The following SLC39A11 variants were observed in gnomAD, a reference collection of about 807,000 sequenced individuals.
SLC39A11 encodes zinc transporter ZIP11.
In SLC39A11, 33 loss-of-function variants were observed where a neutral mutation model predicts 36.1. The ratio of observed to expected loss-of-function variants is 0.91; its 90% CI spans 0.69 to 1.22. The LOEUF is 1.22. Ranked by LOEUF, SLC39A11 falls within the 50% of genes most tolerant of loss-of-function variation. SLC39A11 has a pLI of 0.00. For missense variants in SLC39A11, 432 were observed against 430.3 expected, an observed-to-expected ratio of 1.00 and a Z score of -0.03; for synonymous variants, 166 against 170.3, an observed-to-expected ratio of 0.97 and a Z score of 0.20.
intron 7 of SLC39A11, among the ~76,000 whole-genome samples, chr17:72,698,536 A>ATTCT (rs1383085412): frequency 6.6e-6 from 1 of 150,976 alleles, no homozygotes; most frequent in Non-Finnish European, 1.5e-5. Flanking sequence ...GGGTTTTATG[A>ATTCT]TTCTAGTATT....
chr17:72,748,913 G>A (rs1226372903), intron 6 of SLC39A11, among the ~76,000 whole-genome samples: 4 of 152,216 alleles, frequency 2.6e-5, no homozygotes, highest in Non-Finnish European at 5.9e-5. Context: ...GACAGACCAA[G>A]TACGGGAGAG....
intron 6 of SLC39A11, among the ~76,000 whole-genome samples, chr17:72,808,985 A>T (rs554626587): frequency 6.6e-6 from 1 of 152,296 alleles, no homozygotes; most frequent in East Asian, 1.9e-4. Context: ...TCCTTATGTT[A>T]ATTAAACTCT....
chr17:73,088,139 C>T (rs980154593), intron 2 of SLC39A11, among the ~76,000 whole-genome samples: 1 of 151,806 alleles, frequency 6.6e-6, no homozygotes, highest in South Asian at 2.1e-4. Context: ...ACTAAAAATA[C>T]AAAAATTAGC....
intron 4 of SLC39A11, among the ~76,000 whole-genome samples, chr17:72,972,329 T>C (rs1296029157): frequency 6.6e-6 from 1 of 152,168 alleles, no homozygotes; most frequent in African/African-American, 2.4e-5. Context: ...GTAAGGGCAT[T>C]GCAATACACA....
chr17:72,682,154 T>G (rs534583916), intron 7 of SLC39A11, among the ~76,000 whole-genome samples: 29 of 152,304 alleles, frequency 1.9e-4, no homozygotes, highest in African/African-American at 7.0e-4. Flanking sequence ...CACCCCTAGA[T>G]GGGACGGTCT....
At chr17:72,890,116 T>C (rs2081646099) in intron 5 of SLC39A11, among the ~76,000 whole-genome samples, 1 of 151,276 alleles carries the variant, frequency 6.6e-6, no homozygotes, top group African/African-American at 2.4e-5. Flanking sequence ...AAAAAAAAAA[T>C]TAGCTGGGCA....
At chr17:72,732,668 T>C (rs955544174) in intron 7 of SLC39A11, among the ~76,000 whole-genome samples, 5 of 152,204 alleles carry the variant, frequency 3.3e-5, no homozygotes, top group Non-Finnish European at 5.9e-5. Flanking sequence ...TATTTTCTAT[T>C]TGAGTGTAAG....
At chr17:72,995,072 G>T (rs1208239910) in intron 4 of SLC39A11, among the ~76,000 whole-genome samples, 1 of 152,134 alleles carries the variant, frequency 6.6e-6, no homozygotes, top group Non-Finnish European at 1.5e-5. Context: ...ATATGATACA[G>T]CCCTGCCTTC....
At chr17:72,736,361 T>C (rs1461741642) in intron 7 of SLC39A11, among the ~76,000 whole-genome samples, 1 of 152,166 alleles carries the variant, frequency 6.6e-6, no homozygotes, top group Non-Finnish European at 1.5e-5. Flanking sequence ...TTTTTTGTCA[T>C]TAGTCTTCAC....
Position 73,086,312 on chromosome 17 carries a change from C to A in SLC39A11, c.109-1466G>T, listed in dbSNP as rs1388642662. 2.0e-5 allele frequency among the ~76,000 whole-genome samples: 3 copies of A among 151,908 alleles called. No homozygotes were observed. The East Asian group carries it at 5.8e-4, about 29-fold the overall frequency. Reference sequence around the variant, plus strand: ...CCAGCCTAATAAAATGTGCATTTTTCCATAAGCATCTTCTATTTCAATACA... The same window carrying A: ...CCAGCCTAATAAAATGTGCATTTTTACATAAGCATCTTCTATTTCAATACA... On this transcript the variant is annotated intron_variant, in intron 2 of 9. Coordinates refer to ENST00000255559, the MANE Select transcript of SLC39A11 (RefSeq NM_139177.4).
At chr17:72,867,240 C>T (rs541872176) in intron 5 of SLC39A11, among the ~76,000 whole-genome samples, 1 of 152,164 alleles carries the variant, frequency 6.6e-6, no homozygotes, top group Non-Finnish European at 1.5e-5. Context: ...TGGCTCACAC[C>T]TGTAATCCCA....
intron 5 of SLC39A11, among the ~76,000 whole-genome samples, chr17:72,930,214 C>G (rs1457316001): frequency 2.6e-5 from 4 of 152,186 alleles, no homozygotes; most frequent in Non-Finnish European, 5.9e-5. Context: ...TCTGGGAGAG[C>G]TGTTTCAATT....
intron 3 of SLC39A11, among the ~76,000 whole-genome samples, chr17:73,043,790 A>T (rs1293833995): frequency 6.6e-6 from 1 of 152,202 alleles, no homozygotes; most frequent in Non-Finnish European, 1.5e-5. Flanking sequence ...ATATCAAGTC[A>T]GTCAATCAGA....
At chr17:72,771,306 G>A (rs1048892113) in intron 6 of SLC39A11, among the ~76,000 whole-genome samples, 11 of 150,224 alleles carry the variant, frequency 7.3e-5, no homozygotes, top group South Asian at 2.1e-4. Context: ...AGCCGAGATC[G>A]TGCCGCTGCA....
chr17:72,814,033 G>A (rs951972790), intron 6 of SLC39A11, among the ~76,000 whole-genome samples: 4 of 152,168 alleles, frequency 2.6e-5, no homozygotes, highest in Non-Finnish European at 5.9e-5. Context: ...AAAAACTGTT[G>A]ACATTACCCT....
At chr17:72,680,518 A>T (rs1013174656) in intron 7 of SLC39A11, among the ~76,000 whole-genome samples, 1 of 152,156 alleles carries the variant, frequency 6.6e-6, no homozygotes, top group African/African-American at 2.4e-5. Context: ...TTCCCCACAC[A>T]CACTCTCTTG....
At chr17:73,060,793 G>A (rs765125499) in intron 3 of SLC39A11, among the ~76,000 whole-genome samples, 3 of 151,924 alleles carry the variant, frequency 2.0e-5, no homozygotes, top group South Asian at 2.1e-4. Flanking sequence ...AATTTGATAC[G>A]TGATCAGCCA....
At chr17:72,951,590 T>C (rs926164789) in intron 4 of SLC39A11, among the ~76,000 whole-genome samples, 14 of 152,092 alleles carry the variant, frequency 9.2e-5, no homozygotes, top group African/African-American at 3.4e-4. Context: ...CCCATCATGA[T>C]AAACTAAAAA....
At chr17:73,047,805 T>C (rs2143768560) in intron 3 of SLC39A11, among the ~76,000 whole-genome samples, 1 of 151,034 alleles carries the variant, frequency 6.6e-6, no homozygotes, top group South Asian at 2.1e-4. Context: ...CCGTCTCTAC[T>C]AAAAATACAA....
Sources: gnomAD v4.1 joint callset for allele counts (sites outside exome capture counted in the v4.1 genomes callset) on GRCh38, gnomAD v4.1.1 for gene constraint, MANE v1.5 for transcripts, NCBI Gene and HGNC (gene_info 2026-07-23, HGNC 2026-07-21) for gene names.